DOCK11: variants seen among roughly 807,000 people sequenced by gnomAD.
DOCK11 encodes the protein dedicator of cytokinesis 11.
A neutral mutation model predicts 169.1 loss-of-function variants in DOCK11; 70 were observed. The observed-to-expected ratio is 0.41, with a 90% confidence interval of 0.34 to 0.51. The LOEUF (loss-of-function observed/expected upper bound fraction) is 0.51, where lower values mean the gene tolerates loss of function less well. DOCK11 is among the 20% of genes least tolerant of loss of function. DOCK11 has a pLI of 0.10. For synonymous variants in DOCK11, 529 were observed against 541.3 expected (o/e 0.98, Z 0.32); for missense variants, 1,166 against 1,538.8 (o/e 0.76, Z 4.05).
chrX:118,632,963 G>T (rs2015283895), intron 35 of DOCK11: 1 of 59,463 alleles, frequency 1.7e-5, no homozygotes, highest in South Asian at 1.5e-3. Context: ...AGGTGGTGGG[G>T]GGCGGTGGGG....
chrX:118,676,569 T>C (rs1375407033), intron 47 of DOCK11, 22 bp from the exon 48 acceptor site: 1 of 982,892 alleles, frequency 1.0e-6, no homozygotes, highest in Non-Finnish European at 1.4e-6. Flanking sequence ...TATAAGTTAT[T>C]ATTTGTTTAA....
At chrX:118,507,200 T>C (rs2057618954) in intron 1 of DOCK11, among the ~76,000 whole-genome samples, 1 of 112,342 alleles carries the variant, frequency 8.9e-6, no homozygotes, top group South Asian at 3.6e-4. Flanking sequence ...GATATTCTGA[T>C]ACTTCAGCGT....
At position 118,584,696 on chromosome X, in the gene DOCK11, ATTTT is replaced by A. The variant is rs376283615; in HGVS notation, c.1596-31_1596-28del. 1.9e-3 allele frequency: 1,806 copies of A among 964,480 alleles called. 7 individuals are homozygous for A. The East Asian group carries it at 0.034, about 18-fold the overall frequency. The allele number at this position is 964,480 out of a possible 1,213,427, so 79.5% of individuals were successfully genotyped here. A position where few individuals can be genotyped will look rare whatever the true frequency, so the allele number is the denominator to read the frequency against. On this transcript the variant is annotated intron_variant, in intron 14 of 52. Coordinates refer to ENST00000276202, the MANE Select transcript of DOCK11 (RefSeq NM_144658.4). ...TTTTATCTTAATTTATCAACATGGA[ATTTT>A]TTTTTTTAAAAAAATGCTTCTGTTG... is the stretch of plus-strand genomic sequence containing the variant.
chrX:118,681,863 C>A, intron 51 of DOCK11, 69 bp downstream of exon 51: 4 of 841,050 alleles, frequency 4.8e-6, no homozygotes, highest in Non-Finnish European at 6.6e-6. Flanking sequence ...TAAAAAACAA[C>A]AAAGTATTGA....
chrX:118,653,156 T>A (rs1215232705), intron 42 of DOCK11, among the ~76,000 whole-genome samples: 1 of 111,749 alleles, frequency 8.9e-6, no homozygotes, highest in East Asian at 2.8e-4. Flanking sequence ...ATAGGTAGAT[T>A]GGTAAGTTTT....
Position 118,637,128 on chromosome X carries a change from ACAG to A in DOCK11, c.3953+720_3953+722del, listed in dbSNP as rs754194944. On this transcript the variant is annotated intron_variant, in intron 36 of 52. Coordinates refer to ENST00000276202, the MANE Select transcript of DOCK11 (RefSeq NM_144658.4). Reference sequence around the variant, plus strand: ...TTTACGGAAAATGTCAGAAGAATAAACAGCAGTTAAGATTTTTTTTTAACTACT... The same window carrying A: ...TTTACGGAAAATGTCAGAAGAATAAACAGTTAAGATTTTTTTTTAACTACT... Among the ~76,000 whole-genome samples the A allele has an allele frequency of 5.4e-3, 601 of 112,204 alleles. 4 individuals are homozygous for A. The highest frequency in any genetic ancestry group is 0.018 in the African/African-American group (566 of 30,912).
intron 44 of DOCK11, among the ~76,000 whole-genome samples, chrX:118,661,202 C>CT (rs753338711): frequency 6.4e-4 from 66 of 102,560 alleles, no homozygotes; most frequent in Non-Finnish European, 1.0e-3. Flanking sequence ...GGGTAACACT[C>CT]TGTCTCCAAA....
At chrX:118,676,153 C>G (rs1008093514) in intron 47 of DOCK11, 104 bp downstream of exon 47, 7 of 503,092 alleles carry the variant, frequency 1.4e-5, no homozygotes, top group Non-Finnish European at 1.3e-5. Flanking sequence ...GTGCCTATTA[C>G]AACAGCAGGG....
chrX:118,593,707 A>G (rs149030955), intron 20 of DOCK11, among the ~76,000 whole-genome samples: 1,313 of 110,989 alleles, frequency 0.012, 4 homozygotes, highest in Middle Eastern at 0.028. Context: ...CCATGATTCA[A>G]TTACCTCCCC....
intron 1 of DOCK11, among the ~76,000 whole-genome samples, chrX:118,505,110 G>A (rs965360079): frequency 7.1e-5 from 8 of 112,115 alleles, no homozygotes; most frequent in East Asian, 2.8e-4. Context: ...TGTAACCTCC[G>A]CCTCCTGGGT....
intron 16 of DOCK11, among the ~76,000 whole-genome samples, chrX:118,586,229 T>C (rs993406368): frequency 9.0e-6 from 1 of 110,767 alleles, no homozygotes; most frequent in Non-Finnish European, 1.9e-5. Flanking sequence ...AGCAAACGAG[T>C]TGTATTACTC....
intron 26 of DOCK11, among the ~76,000 whole-genome samples, chrX:118,608,706 G>A (rs2014602728): frequency 8.9e-6 from 1 of 111,744 alleles, no homozygotes; most frequent in Admixed American, 9.5e-5. Flanking sequence ...TTAACACATC[G>A]TTCCTGGCAC....
chrX:118,519,595 C>G (rs1008034164), intron 1 of DOCK11, among the ~76,000 whole-genome samples: 3 of 111,469 alleles, frequency 2.7e-5, no homozygotes, highest in Non-Finnish European at 3.8e-5. Flanking sequence ...GGAGGCAAGG[C>G]GCTGATGAAA....
At chrX:118,564,371 G>A (rs755501405) in intron 7 of DOCK11, among the ~76,000 whole-genome samples, 1 of 112,841 alleles carries the variant, frequency 8.9e-6, no homozygotes, top group Admixed American at 9.3e-5. Context: ...TAATGACCAT[G>A]CAGTGGAAAA....
intron 1 of DOCK11, among the ~76,000 whole-genome samples, chrX:118,524,755 C>T (rs1281440698): frequency 1.8e-5 from 2 of 111,200 alleles, no homozygotes; most frequent in African/African-American, 6.5e-5. Context: ...ACGGGCGGGG[C>T]GGACCTGGAA....
At chrX:118,580,656 CCT>C (rs2013601597) in intron 14 of DOCK11, among the ~76,000 whole-genome samples, 1 of 87,750 alleles carries the variant, frequency 1.1e-5, no homozygotes, top group Non-Finnish European at 2.3e-5. Context: ...CATCAAAGAC[CCT>C]CTCATTTTTT....
Position 118,590,141 on chromosome X carries a change from A to G in DOCK11, c.2047-69A>G, listed in dbSNP as rs1033982756. ...TATAGTCACAGATGCCTCTAACTATATGTGGTTCCATGGCATCACATTTAC... is the reference window on the plus strand; with the variant it reads ...TATAGTCACAGATGCCTCTAACTATGTGTGGTTCCATGGCATCACATTTAC... On this transcript the variant is annotated intron_variant, in intron 18 of 52. Coordinates refer to ENST00000276202, the MANE Select transcript of DOCK11 (RefSeq NM_144658.4). The G allele has an allele frequency of 6.6e-5, 63 of 953,234 alleles. No individual in the cohort carries two copies. In the Admixed American group the frequency reaches 1.4e-3, roughly 22 times the overall value. The allele number at this position is 953,234 out of a possible 1,213,427, so 78.6% of individuals were successfully genotyped here. A position where few individuals can be genotyped will look rare whatever the true frequency, so the allele number is the denominator to read the frequency against.
At chrX:118,575,727 GTGT>G (rs2013423615) in intron 12 of DOCK11, among the ~76,000 whole-genome samples, 1 of 112,314 alleles carries the variant, frequency 8.9e-6, no homozygotes, top group Non-Finnish European at 1.9e-5. Flanking sequence ...AGCAAGTAAA[GTGT>G]TGTAAATATT....
intron 1 of DOCK11, among the ~76,000 whole-genome samples, chrX:118,534,816 G>A (rs1015597878): frequency 8.9e-6 from 1 of 111,879 alleles, no homozygotes; most frequent in Non-Finnish European, 1.9e-5. Flanking sequence ...TAGGTTGTGT[G>A]GAGGATATTG....
Sources: gnomAD v4.1 joint callset for allele counts (sites outside exome capture counted in the v4.1 genomes callset) on GRCh38, gnomAD v4.1.1 for gene constraint, MANE v1.5 for transcripts, NCBI Gene and HGNC (gene_info 2026-07-23, HGNC 2026-07-21) for gene names.